RALYL: variants seen among roughly 807,000 people sequenced by gnomAD.
RALYL encodes the protein RALY RNA binding protein like, also known as RNA-binding Raly-like protein.
RALYL carries 29 observed loss-of-function variants against 35.1 expected under a neutral mutation model. That is an observed-to-expected ratio of 0.83 (90% CI 0.61 to 1.13). The LOEUF is 1.13. RALYL is among the 50% of genes most tolerant of loss of function. The pLI, the probability that RALYL is intolerant of heterozygous loss-of-function variation, is 0.00. For missense variants in RALYL, 359 were observed against 360.4 expected, an observed-to-expected ratio of 1.00 and a Z score of 0.03; for synonymous variants, 120 against 127.6, an observed-to-expected ratio of 0.94 and a Z score of 0.40.
intron 2 of RALYL, among the ~76,000 whole-genome samples, chr8:84,589,251 T>C (rs1045593298): frequency 6.6e-6 from 1 of 152,212 alleles, no homozygotes; most frequent in African/African-American, 2.4e-5. Context: ...ATGCGATGTC[T>C]TCCAAGGATC....
chr8:84,771,138 T>C (rs1054236503), intron 2 of RALYL, among the ~76,000 whole-genome samples: 3 of 152,166 alleles, frequency 2.0e-5, no homozygotes, highest in South Asian at 4.1e-4. Context: ...TCAGTATTTT[T>C]CCAGGGCATT....
intron 1 of RALYL, among the ~76,000 whole-genome samples, chr8:84,257,255 G>T (rs1831383963): frequency 6.6e-6 from 1 of 151,986 alleles, no homozygotes; most frequent in Non-Finnish European, 1.5e-5. Context: ...GTCAGTAAAT[G>T]CAATTAGAAA....
chr8:84,297,694 G>T (rs967145156), intron 1 of RALYL, among the ~76,000 whole-genome samples: 1 of 151,980 alleles, frequency 6.6e-6, no homozygotes, highest in Non-Finnish European at 1.5e-5. Flanking sequence ...CTTTTTCTCT[G>T]CAGCCTTGCC....
At chr8:84,703,013 G>A (rs951168016) in intron 2 of RALYL, among the ~76,000 whole-genome samples, 37 of 152,200 alleles carry the variant, frequency 2.4e-4, no homozygotes, top group Admixed American at 1.6e-3. Context: ...GTGCCTGGAC[G>A]TGCCCTTCTC....
Position 84,569,936 on chromosome 8 carries a change from A to C in RALYL, c.256+40359A>C, listed in dbSNP as rs76855967. Among the ~76,000 whole-genome samples, 291 of 151,922 alleles carry C rather than the reference A, an allele frequency of 1.9e-3. 3 individuals carry two copies. Among genetic ancestry groups the C allele is most frequent in the Non-Finnish European group, 3.4e-3 (232 of 67,858 alleles). ...ATTTCTGGGTTCTATTTCCTTTTCC[A>C]TTGATCTACATGTACATTTTTGTGC... On this transcript the variant is annotated intron_variant, in intron 2 of 8. Coordinates refer to ENST00000521268, the MANE Select transcript of RALYL (RefSeq NM_173848.7).
chr8:84,343,811 G>A (rs1428665829), intron 1 of RALYL, among the ~76,000 whole-genome samples: 2 of 151,250 alleles, frequency 1.3e-5, no homozygotes, highest in Non-Finnish European at 2.9e-5. Context: ...TGTTGTTTTT[G>A]TAAAGATGAG....
At chr8:84,436,499 C>T (rs575810899) in intron 1 of RALYL, among the ~76,000 whole-genome samples, 45 of 147,960 alleles carry the variant, frequency 3.0e-4, no homozygotes, top group African/African-American at 8.5e-4. Flanking sequence ...ATAAAACCTT[C>T]GCAGAGGCAC....
At chr8:84,403,522 CTGTTTT>C (rs2043139031) in intron 1 of RALYL, among the ~76,000 whole-genome samples, 8 of 52,150 alleles carry the variant, frequency 1.5e-4, no homozygotes, top group African/African-American at 5.4e-4. Context: ...GTCTATATCT[CTGTTTT>C]TTTTTTTTTT....
At chr8:84,207,103 T>C (rs778760227) in intron 1 of RALYL, among the ~76,000 whole-genome samples, 6 of 152,004 alleles carry the variant, frequency 3.9e-5, no homozygotes, top group Non-Finnish European at 8.8e-5. Context: ...TAGAAAACAG[T>C]ATGGAGATTA....
At chr8:84,242,040 T>TC (rs546883338) in intron 1 of RALYL, among the ~76,000 whole-genome samples, 225 of 152,132 alleles carry the variant, frequency 1.5e-3, no homozygotes, top group Non-Finnish European at 2.8e-3. Context: ...TGTGTGTTGT[T>TC]CCCCCCATGT....
intron 2 of RALYL, among the ~76,000 whole-genome samples, chr8:84,591,505 C>A (rs758554037): frequency 3.3e-5 from 5 of 152,070 alleles, no homozygotes; most frequent in Admixed American, 6.6e-5. Context: ...GCATAAGGAA[C>A]CCAATTTTTA....
At chr8:84,314,253 G>A (rs73306927) in intron 1 of RALYL, among the ~76,000 whole-genome samples, 3,090 of 152,074 alleles carry the variant, frequency 0.02, 112 homozygotes, top group African/African-American at 0.07. Flanking sequence ...CCCTTGACAC[G>A]TAGGGATTAT....
chr8:84,707,970 A>T (rs927159400), intron 2 of RALYL, among the ~76,000 whole-genome samples: 6 of 152,116 alleles, frequency 3.9e-5, no homozygotes, highest in Non-Finnish European at 8.8e-5. Flanking sequence ...ACTTACCTAG[A>T]GGCAATTGTA....
At chr8:84,367,318 ATTT>A (rs56387511) in intron 1 of RALYL, among the ~76,000 whole-genome samples, 2 of 27,400 alleles carry the variant, frequency 7.3e-5, no homozygotes, top group Non-Finnish European at 2.0e-4. Context: ...TAATTTTTGT[ATTT>A]TTTTTTTTTT....
chr8:84,347,792 G>T (rs1422095398), intron 1 of RALYL, among the ~76,000 whole-genome samples: 2 of 152,098 alleles, frequency 1.3e-5, no homozygotes, highest in Non-Finnish European at 2.9e-5. Context: ...ATTAGCATCA[G>T]CAGCTTTGCC....
chr8:84,725,005 A>G (rs1453230757), intron 2 of RALYL, among the ~76,000 whole-genome samples: 1 of 151,686 alleles, frequency 6.6e-6, no homozygotes, highest in African/African-American at 2.4e-5. Context: ...ATGTGCTATC[A>G]ACCTGCTGTT....
intron 7 of RALYL, among the ~76,000 whole-genome samples, chr8:84,886,130 G>A (rs371424780): frequency 8.6e-5 from 13 of 151,984 alleles, no homozygotes; most frequent in Admixed American, 2.0e-4. Context: ...GGCAAGGCAC[G>A]GCAACCCTTT....
At chr8:84,561,272 T>C (rs1027746843) in intron 2 of RALYL, among the ~76,000 whole-genome samples, 2 of 152,042 alleles carry the variant, frequency 1.3e-5, no homozygotes, top group Admixed American at 6.6e-5. Context: ...AATGGAATCT[T>C]AAAAAAGTAT....
At chr8:84,400,228 A>C (rs2042752550) in intron 1 of RALYL, among the ~76,000 whole-genome samples, 1 of 152,218 alleles carries the variant, frequency 6.6e-6, no homozygotes, top group Admixed American at 6.5e-5. Context: ...TAAACATAAA[A>C]TTTATTTATG....
Sources: allele counts gnomAD v4.1 joint callset (sites outside exome capture counted in the v4.1 genomes callset), GRCh38; gene constraint gnomAD v4.1.1; transcripts MANE v1.5; gene names NCBI Gene and HGNC (gene_info 2026-07-23, HGNC 2026-07-21).